Variants in NOL4L observed in about 807,000 individuals in gnomAD.
NOL4L encodes nucleolar protein 4 like.
Under a neutral mutation model 64.5 loss-of-function variants are expected in NOL4L, and 7 were observed. The observed-to-expected ratio is 0.11, with a 90% CI of 0.06 to 0.20. The LOEUF is 0.20. Among genes scored for constraint, NOL4L ranks in the 10% least tolerant of loss-of-function variants. NOL4L has a pLI of 1.00. For missense variants in NOL4L, 680 were observed against 967.1 expected (o/e 0.70, Z 3.94); for synonymous variants, 413 against 401.0 (o/e 1.03, Z -0.36).
chr20:32,517,717 A>G (rs2017733529), intron 3 of NOL4L, among the ~76,000 whole-genome samples: 1 of 152,208 alleles, frequency 6.6e-6, no homozygotes, highest in Non-Finnish European at 1.5e-5. Flanking sequence ...GGACGTTGGC[A>G]GCCTTGTGTC....
At chr20:32,527,251 G>C (rs551316257) in intron 2 of NOL4L, among the ~76,000 whole-genome samples, 4 of 152,232 alleles carry the variant, frequency 2.6e-5, no homozygotes, top group African/African-American at 7.2e-5. Flanking sequence ...TGATCTCCTG[G>C]AGGGTGGGGA....
In NOL4L at chr20:32,548,794, C is replaced by T. The variant is rs529308040; in HGVS notation, c.322-20881G>A. Reference sequence around the variant, plus strand: ...TTCAGGGATGTTCACTGAAGTCTTGCGAGAGCAGAATATCATAAACAATCC... The same window carrying T: ...TTCAGGGATGTTCACTGAAGTCTTGTGAGAGCAGAATATCATAAACAATCC... On this transcript the variant is annotated intron_variant, in intron 1 of 10. Coordinates refer to ENST00000621426, the MANE Select transcript of NOL4L (RefSeq NM_001256798.2). 2.0e-5 allele frequency: 9 copies of T among 441,178 alleles called. 1 individual carries two copies. Among genetic ancestry groups the T allele is most frequent in the East Asian group, 7.5e-5 (1 of 13,408 alleles). 27.3% of individuals were successfully genotyped at this position (441,178 alleles called of 1,614,324 possible).
chr20:32,449,985 G>A (rs2012717191), intron 10 of NOL4L: 1 of 152,394 alleles, frequency 6.6e-6, no homozygotes, highest in South Asian at 2.1e-4. Context: ...CTGAGGCTTG[G>A]AAAGGAGAAG....
chr20:32,449,832 T>A (rs6141724), intron 10 of NOL4L: 2 of 152,170 alleles, frequency 1.3e-5, no homozygotes, highest in Non-Finnish European at 2.9e-5. Flanking sequence ...TGGTCCCCTC[T>A]GCGTCATGCT....
At chr20:32,536,897 T>A (rs1215711504) in intron 1 of NOL4L, among the ~76,000 whole-genome samples, 9 of 145,854 alleles carry the variant, frequency 6.2e-5, no homozygotes, top group Non-Finnish European at 3.0e-5. Flanking sequence ...CCAGGGCGGC[T>A]GGCCTCCCCC....
intron 1 of NOL4L, among the ~76,000 whole-genome samples, chr20:32,559,689 G>T (rs1051982030): frequency 6.6e-6 from 1 of 152,234 alleles, no homozygotes; most frequent in African/African-American, 2.4e-5. Flanking sequence ...GCATGGCCTA[G>T]TTCTGAGGGC....
chr20:32,513,289 C>T (rs1049005312), intron 3 of NOL4L, among the ~76,000 whole-genome samples: 1 of 152,168 alleles, frequency 6.6e-6, no homozygotes, highest in African/African-American at 2.4e-5. Flanking sequence ...CCCTCAAGAG[C>T]CATAGCCCAA....
At chr20:32,523,749 C>T (rs2018027357) in intron 2 of NOL4L, among the ~76,000 whole-genome samples, 1 of 152,218 alleles carries the variant, frequency 6.6e-6, no homozygotes, top group Non-Finnish European at 1.5e-5. Flanking sequence ...TGCTGCCTTG[C>T]TCCCCGGGCC....
At chr20:32,583,880 T>G (rs112157613) in intron 1 of NOL4L, among the ~76,000 whole-genome samples, 146,975 of 146,982 alleles carry the variant, frequency 1, 73,484 homozygotes, top group Middle Eastern at 1. Context: ...AGGTCAGGCC[T>G]CCCCCGTCCC....
intron 1 of NOL4L, among the ~76,000 whole-genome samples, chr20:32,556,710 C>T (rs1451995723): frequency 1.3e-5 from 2 of 152,218 alleles, no homozygotes; most frequent in Non-Finnish European, 2.9e-5. Flanking sequence ...AACTGCTCTA[C>T]CTCCTCCATT....
chr20:32,481,861 G>T (rs1161702174), intron 4 of NOL4L, among the ~76,000 whole-genome samples: 1 of 150,900 alleles, frequency 6.6e-6, no homozygotes, highest in Non-Finnish European at 1.5e-5. Context: ...CAAGACAGGG[G>T]CCTGGTCCCA....
intron 1 of NOL4L, among the ~76,000 whole-genome samples, chr20:32,562,880 AGGAGGGCAGGGAGGGT>A: frequency 8.2e-6 from 1 of 122,022 alleles, no homozygotes; most frequent in East Asian, 2.9e-4. Flanking sequence ...TGTGTTCCTA[AGGAGGGCAGGGAGGGT>A]GGAGGGGAGG....
intron 4 of NOL4L, among the ~76,000 whole-genome samples, chr20:32,506,794 G>A (rs2017158392): frequency 6.6e-6 from 1 of 152,132 alleles, no homozygotes; most frequent in Admixed American, 6.6e-5. Context: ...TCTGTGAAGG[G>A]GTCTGCTCCT....
At chr20:32,485,377 T>C (rs1002845071) in intron 4 of NOL4L, among the ~76,000 whole-genome samples, 2 of 152,184 alleles carry the variant, frequency 1.3e-5, no homozygotes, top group African/African-American at 4.8e-5. Flanking sequence ...GAGTGCGAAG[T>C]ACAACCCCAC....
chr20:32,552,632 A>G (rs1400824308), intron 1 of NOL4L, among the ~76,000 whole-genome samples: 1 of 151,698 alleles, frequency 6.6e-6, no homozygotes, highest in Non-Finnish European at 1.5e-5. Flanking sequence ...GGTTGCAGTG[A>G]GCCAAGATCA....
In NOL4L at chr20:32,447,576, C is replaced by G. The variant is rs772319246; in HGVS notation, c.*20G>C. On this transcript the variant is annotated 3_prime_UTR_variant, in exon 11 of 11. Transcript: ENST00000621426. ...GACAGCCTCCTTCCCTAGGGCAGTG[C>G]GCTCCAGGTGCCGGTGGGGTCAGTT... 1 of 1,577,972 alleles carries G rather than the reference C, an allele frequency of 6.3e-7. No individual in the cohort carries two copies. The highest frequency in any genetic ancestry group is 1.1e-5 in the South Asian group (1 of 87,970).
At position 32,453,843 on chromosome 20, in the gene NOL4L, G is replaced by A. The variant is rs2013192528; in HGVS notation, c.1120-82C>T. The stretch of plus-strand genomic sequence containing the variant: ...GGGTCTCCTACAGGCGGTGAGCTTG[G>A]GGACCAGGGTGGCACGCATGCCCTG... On this transcript the variant is annotated intron_variant, in intron 6 of 10. Transcript: ENST00000621426. This position sits in a 1 kb window ranked among gnomAD's most constrained non-coding sequence, Gnocchi z 5.6. 10 of 1,384,596 alleles carry A rather than the reference G, an allele frequency of 7.2e-6. No homozygotes were observed. In the Admixed American group the frequency reaches 1.2e-4, roughly 17 times the overall value. The allele number at this position is 1,384,596 out of a possible 1,614,324, so 85.8% of individuals were successfully genotyped here. A position where few individuals can be genotyped will look rare whatever the true frequency, so the allele number is the denominator to read the frequency against.
intron 5 of NOL4L, among the ~76,000 whole-genome samples, 172 bp downstream of exon 5, chr20:32,474,428 GC>G (rs1815054427): frequency 6.6e-6 from 1 of 152,250 alleles, no homozygotes; most frequent in Non-Finnish European, 1.5e-5. Flanking sequence ...GGGCACTGGG[GC>G]CCATGGAGAT....
At chr20:32,562,904 AG>A (rs1979127936) in intron 1 of NOL4L, among the ~76,000 whole-genome samples, 2 of 50,228 alleles carry the variant, frequency 4.0e-5, no homozygotes, top group Non-Finnish European at 3.6e-5. Flanking sequence ...GGTGGAGGGG[AG>A]GGAGAGTAGA....
Sources: gnomAD v4.1 joint callset for allele counts (sites outside exome capture counted in the v4.1 genomes callset) on GRCh38, gnomAD v4.1.1 for gene constraint, Gnocchi (gnomAD v3.1) non-coding constraint, MANE v1.5 for transcripts, NCBI Gene and HGNC (gene_info 2026-07-23, HGNC 2026-07-21) for gene names.